PSG7: variants seen among roughly 807,000 people sequenced by gnomAD.
PSG7 encodes the protein pregnancy-specific beta-1-glycoprotein 7.
Under a neutral mutation model 45.6 loss-of-function variants are expected in PSG7, and 57 were observed. The ratio of observed to expected loss-of-function variants is 1.25; its 90% CI spans 1.01 to 1.56. PSG7 has a LOEUF of 1.56. Ranked by LOEUF, PSG7 falls within the 40% of genes most tolerant of loss-of-function variation. The pLI is 0.00. For synonymous variants in PSG7, 298 were observed against 194.4 expected (o/e 1.53, Z -4.43); for missense variants, 796 against 508.4 (o/e 1.57, Z -5.44).
At chr19:42,931,631 G>A (rs373967868) in intron 2 of PSG7, among the ~76,000 whole-genome samples, 2 of 151,354 alleles carry the variant, frequency 1.3e-5, no homozygotes, top group African/African-American at 2.4e-5. Flanking sequence ...AAGTGAGATG[G>A]CAATGGCTCG....
chr19:42,934,074 G>C (rs1227981123), intron 2 of PSG7, among the ~76,000 whole-genome samples: 1 of 151,514 alleles, frequency 6.6e-6, no homozygotes, highest in African/African-American at 2.4e-5. Context: ...GGCTGGGCCT[G>C]TGCTGGTGCA....
At position 42,925,971 on chromosome 19, in the gene PSG7, T is replaced by G. The variant is rs374237647; in HGVS notation, c.1045A>C (p.Asn349His). The change falls in exon 5 of 6, where the codon AAC becomes CAC. Residue 349 changes from asparagine to histidine, a missense_variant. By Grantham distance (68) the Asn-to-His change is moderately conservative. Transcript: ENST00000406070. ...PSFTYYHSGQNLYLSCFADSN... is the reference protein window; with the variant it reads ...PSFTYYHSGQHLYLSCFADSN... ...TCCGCAAAGCAGGACAAGTAGAGGT[T>G]TTGTCCTGAATGGTAATAGGTGAAT... 3.7e-6 allele frequency: 6 copies of G among 1,612,020 alleles called. No individual in the cohort carries two copies. Among genetic ancestry groups the G allele is most frequent in the Non-Finnish European group, 5.1e-6 (6 of 1,179,066 alleles).
At chr19:42,929,326 G>C (rs918668050) in intron 3 of PSG7, 116 bp downstream of exon 3, 1 of 1,588,884 alleles carries the variant, frequency 6.3e-7, no homozygotes, top group Non-Finnish European at 8.6e-7. Flanking sequence ...CACCAGCTTT[G>C]ATGTCCAGGG....
Position 42,936,869 on chromosome 19 carries a change from G to A in PSG7, c.64+144C>T, listed in dbSNP as rs1973162789. The A allele has an allele frequency of 3.1e-6, 4 of 1,290,872 alleles. No homozygotes were observed. The African/African-American group carries it at 6.0e-5, about 19-fold the overall frequency. 80.0% of individuals were successfully genotyped at this position (1,290,872 alleles called of 1,614,324 possible). ...ACATTGTGTTGGCCAGACTGATCTT[G>A]AACTCCTGATCTCTTGATCCACCCA... is the stretch of plus-strand genomic sequence containing the variant. On this transcript the variant is annotated intron_variant, in intron 1 of 5. Coordinates refer to ENST00000406070, the MANE Select transcript of PSG7 (RefSeq NM_002783.3).
At chr19:42,933,266 AATATATATAT>A (rs1161461136) in intron 2 of PSG7, among the ~76,000 whole-genome samples, 9 of 15,730 alleles carry the variant, frequency 5.7e-4, no homozygotes, top group East Asian at 5.8e-3. Context: ...TCACCATTTC[AATATATATAT>A]ATATATATAT....
chr19:42,932,981 C>G (rs908590769), intron 2 of PSG7, among the ~76,000 whole-genome samples: 3 of 150,406 alleles, frequency 2.0e-5, no homozygotes, highest in African/African-American at 4.9e-5. Flanking sequence ...ATTCTGGCAA[C>G]CGGCTGACCT....
At position 42,929,563 on chromosome 19, in the gene PSG7, A is replaced by G. The variant is rs1600566369; in HGVS notation, c.588T>C (p.Ser196=). Residue 196 remains serine, a synonymous_variant, in exon 3 of 6, where the codon TCT becomes TCC. Transcript: ENST00000406070. ...SLPMTHSLQL[S]ETNRTLYLFG... ...ATAGGTAGAGGGTCCTGTTGGTTTC[A>G]GACAGCTGCAAGCTGTGAGTCATAG... 8 of 1,612,632 alleles carry G rather than the reference A, an allele frequency of 5.0e-6. 1 individual carries two copies. Among genetic ancestry groups the G allele is most frequent in the East Asian group, 2.2e-5 (1 of 44,804 alleles).
Position 42,926,621 on chromosome 19 carries a change from A to G in PSG7, c.805T>C (p.Tyr269His). The change falls in exon 4 of 6, where the codon TAC (tyrosine) becomes CAC (histidine). Residue 269 changes from tyrosine (Y) to histidine (H), a missense_variant. Tyr to His is a moderately conservative substitution (Grantham distance 83, BLOSUM62 2). Coordinates refer to ENST00000406070, the MANE Select transcript of PSG7 (RefSeq NM_002783.3). ...TFTCEPKSEN[Y>H]TYIWWLNGQS... is the part of the protein sequence containing the mutation. ...CCATTTAGCCACCAAATGTAGGTGT[A>G]GTTCTCACTCTTAGGTTCACAGGTG... The G allele has an allele frequency of 1.2e-6, 2 of 1,610,254 alleles. No homozygotes were observed. Among genetic ancestry groups the G allele is most frequent in the Non-Finnish European group, 1.7e-6 (2 of 1,179,034 alleles).
chr19:42,924,982 T>G (rs1972494220), intron 5 of PSG7, 158 bp from the exon 6 acceptor site: 9 of 650,616 alleles, frequency 1.4e-5, no homozygotes, highest in Non-Finnish European at 2.5e-5. Context: ...CAAAATAGGT[T>G]GAGTTTCTTC....
intron 2 of PSG7, among the ~76,000 whole-genome samples, chr19:42,931,612 T>C (rs189238503): frequency 1.3e-5 from 2 of 151,552 alleles, no homozygotes; most frequent in African/African-American, 4.8e-5. Context: ...TGTGAATTAG[T>C]AAGAGGCTAA....
At chr19:42,929,355 G>A in intron 3 of PSG7, 87 bp downstream of exon 3, 6 of 1,606,950 alleles carry the variant, frequency 3.7e-6, no homozygotes, top group Non-Finnish European at 5.1e-6. Context: ...CTACATACTT[G>A]GACCTGAGAG....
rs377390259 is a variant in PSG7, at chr19:42,925,933, C to T, written c.1083G>A (p.Pro361=). 1.7e-4 allele frequency: 269 copies of T among 1,612,044 alleles called. 5 individuals are homozygous for T. Among genetic ancestry groups the T allele is most frequent in the African/African-American group, 1.0e-3 (76 of 74,594 alleles). The part of the protein sequence containing the change: ...YLSCFADSNP[P]AQYSWTINGK... ...CATTAATTGTCCAAGAATACTGTGC[C>T]GGTGGGTTAGAGTCCGCAAAGCAGG... Residue 361 remains proline, a synonymous_variant, in exon 5 of 6, where the codon CCG becomes CCA. Transcript: ENST00000406070.
At position 42,929,621 on chromosome 19, in the gene PSG7, C is replaced by G; in HGVS notation, c.530G>C (p.Ser177Thr). 1.9e-6 allele frequency: 3 copies of G among 1,612,612 alleles called. No individual in the cohort carries two copies. Among genetic ancestry groups the G allele is most frequent in the South Asian group, 1.1e-5 (1 of 90,848 alleles). ...CTGACCATTCATCCACCACAGGTAG[C>G]TTGCATCTGGAGTCTCAGGATCACA... Reference protein sequence around the residue: ...LTCDPETPDASYLWWMNGQSL... With the variant: ...LTCDPETPDATYLWWMNGQSL... Residue 177 changes from serine (S) to threonine (T), a missense_variant, in exon 3 of 6, where the codon AGC (serine) becomes ACC (threonine). Transcript: ENST00000406070.
chr19:42,925,599 T>A, intron 5 of PSG7, 174 bp downstream of exon 5: 1 of 1,437,514 alleles, frequency 7.0e-7, no homozygotes. Flanking sequence ...TCAGCCTGTT[T>A]GTTAAAGTTT....
At chr19:42,934,776 G>A (rs570379739) in intron 2 of PSG7, among the ~76,000 whole-genome samples, 2 of 151,528 alleles carry the variant, frequency 1.3e-5, no homozygotes, top group African/African-American at 2.4e-5. Flanking sequence ...TTGGCTGATG[G>A]CCTACAAAGC....
intron 5 of PSG7, chr19:42,925,272 G>C: frequency 3.3e-6 from 1 of 305,224 alleles, no homozygotes; most frequent in East Asian, 8.6e-5. Context: ...AGAGCAGGTT[G>C]TTACTCTGTT....
chr19:42,933,307 A>ATATATATATATATATATTTTTT (rs56691588), intron 2 of PSG7, among the ~76,000 whole-genome samples: 3 of 13,502 alleles, frequency 2.2e-4, no homozygotes, highest in Admixed American at 1.6e-3. Flanking sequence ...ATATATATAT[A>ATATATATATATATATATTTTTT]TTTTTTTTTT....
Position 42,926,513 on chromosome 19 carries a change from T to C in PSG7, c.913A>G (p.Thr305Ala), listed in dbSNP as rs1278705562. 1.2e-6 allele frequency: 2 copies of C among 1,611,184 alleles called. No homozygotes were observed. The highest frequency in any genetic ancestry group is 1.3e-5 in the African/African-American group (1 of 74,684). The change falls in exon 4 of 6, where the codon ACA (threonine) becomes GCA (alanine). Residue 305 changes from threonine to alanine, a missense_variant. By Grantham distance (58) the Thr-to-Ala change is moderately conservative. Transcript: ENST00000406070. ...CGTATTTCACATTGATAGGGTCCTG[T>C]TTCATTTCTCGTGACACTGGGTAGA... ...LILPSVTRNE[T>A]GPYQCEIRDR...
chr19:42,924,725 G>A lies in PSG7; in HGVS notation c.*83C>T, dbSNP rs1972488438. 2 of 767,002 alleles carry A rather than the reference G, an allele frequency of 2.6e-6. No homozygotes were observed. Among genetic ancestry groups the A allele is most frequent in the African/African-American group, 1.7e-5 (1 of 58,752 alleles). The allele number at this position is 767,002 out of a possible 1,614,324, so 47.5% of individuals were successfully genotyped here. A position where few individuals can be genotyped will look rare whatever the true frequency, so the allele number is the denominator to read the frequency against. The stretch of plus-strand genomic sequence containing the variant: ...AATTTACATTGAGTTGTCCAACTCT[G>A]ACTTATAGGGCTTCTGGAACAGAGT... On this transcript the variant is annotated 3_prime_UTR_variant, in exon 6 of 6. Transcript: ENST00000406070.
Sources: gnomAD v4.1 joint callset for allele counts (sites outside exome capture counted in the v4.1 genomes callset) on GRCh38, gnomAD v4.1.1 for gene constraint, MANE v1.5 for transcripts, NCBI Gene and HGNC (gene_info 2026-07-23, HGNC 2026-07-21) for gene names.